Variants in HIVEP2 observed in about 807,000 individuals in gnomAD.
HIVEP2 encodes HIVEP zinc finger 2.
In HIVEP2, 14 loss-of-function variants were observed where a neutral mutation model predicts 180.7. The ratio of observed to expected loss-of-function variants is 0.08; its 90% CI spans 0.05 to 0.12. HIVEP2 has a LOEUF of 0.12. Among genes scored for constraint, HIVEP2 ranks in the 10% least tolerant of loss-of-function variants. The probability of loss-of-function intolerance (pLI) is 1.00; values close to 1 mark genes in which losing one functional copy is unlikely to be tolerated. For synonymous variants in HIVEP2, 1,184 were observed against 1,136.4 expected (o/e 1.04, Z -0.84); for missense variants, 2,579 against 3,008.5 (o/e 0.86, Z 3.34).
intron 2 of HIVEP2, among the ~76,000 whole-genome samples, chr6:142,799,288 T>C (rs1223858649): frequency 6.6e-6 from 1 of 152,188 alleles, no homozygotes; most frequent in Non-Finnish European, 1.5e-5. Context: ...TGACTAGCCA[T>C]TAAATGTAAC....
intron 6 of HIVEP2, 53 bp downstream of exon 6, chr6:142,768,329 C>T (rs1775424597): frequency 1.3e-6 from 2 of 1,521,392 alleles, no homozygotes; most frequent in Non-Finnish European, 1.8e-6. Flanking sequence ...CATTCTGGAC[C>T]ATTTACTCTG....
intron 2 of HIVEP2, among the ~76,000 whole-genome samples, chr6:142,836,630 A>G (rs969100936): frequency 3.9e-5 from 6 of 152,314 alleles, no homozygotes; most frequent in Admixed American, 2.6e-4. Flanking sequence ...GTAAAATCTG[A>G]TATTTTTACA....
In HIVEP2 at chr6:142,844,768, C is replaced by T. The variant is rs151265870; in HGVS notation, c.-640-7721G>A. Among the ~76,000 whole-genome samples the T allele has an allele frequency of 7.2e-5, 11 of 152,240 alleles. No individual in the cohort carries two copies. In the East Asian group the frequency reaches 1.4e-3, roughly 19 times the overall value. ...CAGAGTCACCTTCCCTCCCGTCAAT[C>T]CAATGCACACACACATGCAAACACT... On this transcript the variant is annotated intron_variant, in intron 1 of 9. Transcript: ENST00000367603.
intron 1 of HIVEP2, among the ~76,000 whole-genome samples, chr6:142,944,027 T>TTACA (rs1778241428): frequency 6.6e-6 from 1 of 152,176 alleles, no homozygotes. Flanking sequence ...GTGTAGCTAG[T>TTACA]TACAAGCTTT....
chr6:142,840,132 G>C lies in HIVEP2; in HGVS notation c.-640-3085C>G, dbSNP rs528060157. Among the ~76,000 whole-genome samples, 15 of 152,156 alleles carry C rather than the reference G, an allele frequency of 9.9e-5. No homozygotes were observed. The South Asian group carries it at 3.1e-3, about 32-fold the overall frequency. On this transcript the variant is annotated intron_variant, in intron 1 of 9. Coordinates refer to ENST00000367603, the MANE Select transcript of HIVEP2 (RefSeq NM_006734.4). ...CCTTCATCATGGTTACAATCAACTC[G>C]TCTCTTCACAAACCCAGTGGAGAAG...
At chr6:142,775,538 T>A (rs1775676285) in intron 4 of HIVEP2, among the ~76,000 whole-genome samples, 1 of 152,048 alleles carries the variant, frequency 6.6e-6, no homozygotes, top group Non-Finnish European at 1.5e-5. Context: ...TTTTATAGCT[T>A]AATACAAACA....
At chr6:142,779,808 C>G (rs1437363914) in intron 3 of HIVEP2, among the ~76,000 whole-genome samples, 1 of 151,542 alleles carries the variant, frequency 6.6e-6, no homozygotes, top group East Asian at 1.9e-4. Flanking sequence ...ATAATAAAAC[C>G]ATTCTTATAC....
rs1399373761 is a variant in HIVEP2, at chr6:142,753,487, C to G, written c.6961G>C (p.Glu2321Gln). The G allele has an allele frequency of 6.2e-7, 1 of 1,614,002 alleles. No homozygotes were observed. Among genetic ancestry groups the G allele is most frequent in the Non-Finnish European group, 8.5e-7 (1 of 1,180,054 alleles). ...SEDSLNATEREQEENIQTCTK... is the reference protein window; with the variant it reads ...SEDSLNATERQQEENIQTCTK... ...CAAGTCTGTATATTTTCCTCCTGTT[C>G]CCGCTCTGTTGCGTTTAGGCTGTCT... is the stretch of plus-strand genomic sequence containing the variant. The change falls in exon 10 of 10, where the codon GAA (glutamate) becomes CAA (glutamine). Residue 2321 changes from glutamate (E) to glutamine (Q), a missense_variant. Glu to Gln is a conservative substitution (Grantham distance 29, BLOSUM62 2). Transcript: ENST00000367603.
chr6:142,819,408 G>C (rs894158728), intron 2 of HIVEP2, among the ~76,000 whole-genome samples: 3 of 152,144 alleles, frequency 2.0e-5, no homozygotes, highest in African/African-American at 7.2e-5. Flanking sequence ...CCCAGAAAAG[G>C]CTATGAAGCA....
chr6:142,906,945 A>C (rs1411446174), intron 1 of HIVEP2, among the ~76,000 whole-genome samples: 2 of 152,218 alleles, frequency 1.3e-5, no homozygotes, highest in African/African-American at 4.8e-5. Flanking sequence ...TGACAAAAAC[A>C]AATAAATTAC....
At chr6:142,845,131 AAAAC>A (rs370569572) in intron 1 of HIVEP2, among the ~76,000 whole-genome samples, 30 of 152,380 alleles carry the variant, frequency 2.0e-4, no homozygotes, top group African/African-American at 5.3e-4. Flanking sequence ...GAAAACAGCA[AAAAC>A]AAACAAAAAT....
Position 142,786,870 on chromosome 6 carries a change from A to T in HIVEP2, c.-527-3255T>A, listed in dbSNP as rs538197084. 5.3e-5 allele frequency among the ~76,000 whole-genome samples: 8 copies of T among 152,112 alleles called. No individual in the cohort carries two copies. The South Asian group carries it at 6.2e-4, about 12-fold the overall frequency. On this transcript the variant is annotated intron_variant, in intron 2 of 9. Transcript: ENST00000367603. The stretch of plus-strand genomic sequence containing the variant: ...GCAGAACTCTCAAGTACCTCCCATC[A>T]CCCTTGTTTTTTCTGAGGTTAAATA...
At position 142,870,773 on chromosome 6, in the gene HIVEP2, C is replaced by G. The variant is rs552465836; in HGVS notation, c.-640-33726G>C. ...TAAAACTCACCTGATTTTCACAAAGCTAGAATTGAGGGAACCAGGACAGGA... is the reference window on the plus strand; with the variant it reads ...TAAAACTCACCTGATTTTCACAAAGGTAGAATTGAGGGAACCAGGACAGGA... On this transcript the variant is annotated intron_variant, in intron 1 of 9. Transcript: ENST00000367603. Among the ~76,000 whole-genome samples the G allele has an allele frequency of 1.1e-4, 17 of 152,234 alleles. No individual in the cohort carries two copies. The South Asian group carries it at 3.3e-3, about 30-fold the overall frequency.
chr6:142,844,327 T>C (rs926292164), intron 1 of HIVEP2, among the ~76,000 whole-genome samples: 1 of 152,010 alleles, frequency 6.6e-6, no homozygotes, highest in East Asian at 1.9e-4. Context: ...TGCAGAGGGA[T>C]GAGCATACTT....
chr6:142,942,480 G>A (rs528706478), intron 1 of HIVEP2, among the ~76,000 whole-genome samples: 4 of 152,156 alleles, frequency 2.6e-5, no homozygotes, highest in African/African-American at 4.8e-5. Flanking sequence ...ATGGTAACAA[G>A]AACATTCACA....
rs748900921 is a variant in HIVEP2, at chr6:142,760,549, A to T, written c.5739T>A (p.Asp1913Glu). The T allele has an allele frequency of 6.2e-7, 1 of 1,613,608 alleles. No individual in the cohort carries two copies. The highest frequency in any genetic ancestry group is 8.5e-7 in the Non-Finnish European group (1 of 1,179,712). Residue 1913 changes from aspartate to glutamate, a missense_variant, in exon 9 of 10, where the codon GAT becomes GAA. Coordinates refer to ENST00000367603, the MANE Select transcript of HIVEP2 (RefSeq NM_006734.4). ...SDGEDGDDND[D>E]DDEDEDDFDD... is the part of the protein sequence containing the mutation. ...CAAAGTCATCTTCATCTTCATCATCATCATCATTATCATCTCCATCCTCAC... is the reference window on the plus strand; with the variant it reads ...CAAAGTCATCTTCATCTTCATCATCTTCATCATTATCATCTCCATCCTCAC...
chr6:142,753,351 T>C lies in HIVEP2; in HGVS notation c.7097A>G (p.His2366Arg), dbSNP rs779422555. 29 of 1,613,942 alleles carry C rather than the reference T, an allele frequency of 1.8e-5. No homozygotes were observed. In the East Asian group the frequency reaches 5.3e-4, roughly 30 times the overall value. ...EPHQNPLGSAHVSIRHFSRPE... is the reference protein window; with the variant it reads ...EPHQNPLGSARVSIRHFSRPE... ...TCTACTAAAGTGTCTAATGCTAACA[T>C]GTGCACTTCCCAGGGGGTTCTGGTG... The change falls in exon 10 of 10, where the codon CAT (histidine) becomes CGT (arginine). Residue 2366 changes from histidine to arginine, a missense_variant. Physicochemically the swap from His to Arg is conservative, Grantham distance 29. Transcript: ENST00000367603.
chr6:142,871,685 C>A (rs142444495), intron 1 of HIVEP2, among the ~76,000 whole-genome samples: 73 of 151,852 alleles, frequency 4.8e-4, no homozygotes, highest in African/African-American at 1.7e-3. Context: ...CCTATTTGGC[C>A]CCCATCCATT....
At chr6:142,835,728 G>A (rs1437917469) in intron 2 of HIVEP2, among the ~76,000 whole-genome samples, 2 of 152,106 alleles carry the variant, frequency 1.3e-5, no homozygotes, top group Non-Finnish European at 2.9e-5. Context: ...ATGAAAAGGG[G>A]TCTCTGGAAT....
Sources: allele counts gnomAD v4.1 joint callset (sites outside exome capture counted in the v4.1 genomes callset), GRCh38; gene constraint gnomAD v4.1.1; transcripts MANE v1.5; gene names NCBI Gene and HGNC (gene_info 2026-07-23, HGNC 2026-07-21).